The following PRP4K variants were observed in gnomAD, a reference collection of about 807,000 sequenced individuals.
The protein encoded by PRP4K is pre-mRNA processing factor kinase PRP4K.
At chr6:4,034,377 C>A in the PRP4K span, among the ~76,000 whole-genome samples, 1 of 152,052 alleles carries the variant, frequency 6.6e-6, no homozygotes, top group Non-Finnish European at 1.5e-5. Context: ...GAAGATGTGC[C>A]TTGGTTATAT....
At chr6:4,032,744 T>A in the PRP4K span, 6 of 1,569,110 alleles carry the variant, frequency 3.8e-6, no homozygotes, top group Non-Finnish European at 5.1e-6. Flanking sequence ...GGAGACGACT[T>A]TCTTCTCCAA....
At chr6:4,021,391 G>T in the PRP4K span, 832 of 1,563,520 alleles carry the variant, frequency 5.3e-4, 8 homozygotes, top group East Asian at 0.017. Flanking sequence ...TCCGGGAGCC[G>T]CCGCCACCGC....
At chr6:4,058,265 A>G in the PRP4K span, among the ~76,000 whole-genome samples, 3 of 152,170 alleles carry the variant, frequency 2.0e-5, no homozygotes, top group Non-Finnish European at 4.4e-5. Flanking sequence ...ATTAGGTTGG[A>G]CTTTTTTTAG....
chr6:4,052,731 G>A, the PRP4K span: 1 of 1,585,932 alleles, frequency 6.3e-7, no homozygotes. Flanking sequence ...ATGAACTTAC[G>A]AGAGGTGTTA....
chr6:4,060,061 C>T, the PRP4K span, among the ~76,000 whole-genome samples: 5 of 152,160 alleles, frequency 3.3e-5, no homozygotes, highest in African/African-American at 4.8e-5. This position sits in a 1 kb window ranked among gnomAD's most constrained non-coding sequence, Gnocchi z 4.7. Context: ...TACAGTCATG[C>T]GTCACATAAC....
the PRP4K span, among the ~76,000 whole-genome samples, chr6:4,030,260 G>T: frequency 0.17 from 25,945 of 152,052 alleles, 2,628 homozygotes; most frequent in African/African-American, 0.26. Flanking sequence ...CTGTTTTCCT[G>T]CCGCGTGGCT....
the PRP4K span, chr6:4,031,580 A>G: frequency 1.3e-6 from 2 of 1,565,364 alleles, no homozygotes; most frequent in East Asian, 2.3e-5. Flanking sequence ...CTAATTCTGA[A>G]AAGAGTATAA....
At chr6:4,049,476 T>G in the PRP4K span, 1 of 484,018 alleles carries the variant, frequency 2.1e-6, no homozygotes, top group Non-Finnish European at 3.6e-6. Context: ...GGGACTACAA[T>G]TGGAAAAACT....
the PRP4K span, chr6:4,056,984 AGTC>A: frequency 2.3e-5 from 33 of 1,455,530 alleles, 1 homozygote; most frequent in African/African-American, 4.3e-4. Context: ...AAAAATTAAT[AGTC>A]GTCAGTTTTC....
At chr6:4,022,476 T>G in the PRP4K span, among the ~76,000 whole-genome samples, 13 of 70,584 alleles carry the variant, frequency 1.8e-4, no homozygotes, top group African/African-American at 8.9e-4. Flanking sequence ...GTTTTGTTTT[T>G]TGTTTTTTTT....
chr6:4,054,381 T>A, the PRP4K span, among the ~76,000 whole-genome samples: 1 of 152,186 alleles, frequency 6.6e-6, no homozygotes, highest in African/African-American at 2.4e-5. Context: ...TTATGTTTGG[T>A]CTGAATTATT....
At chr6:4,047,305 G>A in the PRP4K span, 45 of 1,298,706 alleles carry the variant, frequency 3.5e-5, no homozygotes, top group Admixed American at 2.7e-4. Context: ...ATATTGGTGC[G>A]TATATACATA....
the PRP4K span, among the ~76,000 whole-genome samples, chr6:4,038,919 C>T: frequency 2.1e-5 from 3 of 144,288 alleles, no homozygotes; most frequent in East Asian, 2.0e-4. Context: ...AATTTTTGTG[C>T]TTTTTTTTTT....
chr6:4,031,530 A>T, the PRP4K span: 1 of 1,402,392 alleles, frequency 7.1e-7, no homozygotes, highest in Non-Finnish European at 9.6e-7. Flanking sequence ...AAATGATATG[A>T]TTTTAAAATG....
the PRP4K span, among the ~76,000 whole-genome samples, chr6:4,052,287 C>T: frequency 2.0e-5 from 3 of 152,046 alleles, no homozygotes; most frequent in African/African-American, 7.2e-5. Context: ...TTGAGACAGT[C>T]TCACTCTGTT....
At chr6:4,036,775 C>T in the PRP4K span, among the ~76,000 whole-genome samples, 9 of 151,838 alleles carry the variant, frequency 5.9e-5, no homozygotes, top group African/African-American at 1.9e-4. Flanking sequence ...CCACTTGAGG[C>T]CAGGAGTTCG....
the PRP4K span, chr6:4,056,486 G>T: frequency 2.7e-5 from 44 of 1,610,224 alleles, no homozygotes; most frequent in Middle Eastern, 1.6e-4. Flanking sequence ...GGTGGAAACC[G>T]CATACTTAAT....
At chr6:4,021,350 C>T in the PRP4K span, 13 of 1,546,550 alleles carry the variant, frequency 8.4e-6, no homozygotes, top group African/African-American at 1.4e-5. Flanking sequence ...AGCTCTTTTC[C>T]TTCTTCCTCC....
At chr6:4,047,085 T>C in the PRP4K span, 1 of 1,132,278 alleles carries the variant, frequency 8.8e-7, no homozygotes, top group Non-Finnish European at 1.3e-6. Flanking sequence ...GCAAAAAAGT[T>C]TGAATTACTA....
Sources: gnomAD v4.1 joint callset for allele counts (sites outside exome capture counted in the v4.1 genomes callset) on GRCh38, gnomAD v4.1.1 for gene constraint, Gnocchi (gnomAD v3.1) non-coding constraint, MANE v1.5 for transcripts, NCBI Gene and HGNC (gene_info 2026-07-23, HGNC 2026-07-21) for gene names.